Variants in CNBD1 observed in about 807,000 individuals in gnomAD.
CNBD1 encodes the protein cyclic nucleotide-binding domain-containing protein 1.
Under a neutral mutation model 54.4 loss-of-function variants are expected in CNBD1, and 71 were observed. The ratio of observed to expected loss-of-function variants is 1.30; its 90% CI spans 1.08 to 1.59. The LOEUF (loss-of-function observed/expected upper bound fraction) is 1.59, where lower values mean the gene tolerates loss of function less well. Ranked by LOEUF, CNBD1 falls within the 40% of genes most tolerant of loss-of-function variation. The pLI is 0.00. For missense variants in CNBD1, 659 were observed against 518.0 expected, an observed-to-expected ratio of 1.27 and a Z score of -2.64; for synonymous variants, 182 against 170.7, an observed-to-expected ratio of 1.07 and a Z score of -0.51.
intron 2 of CNBD1, among the ~76,000 whole-genome samples, chr8:86,895,957 T>A (rs1480877401): frequency 6.6e-6 from 1 of 152,162 alleles, no homozygotes; most frequent in Non-Finnish European, 1.5e-5. Flanking sequence ...ATTGTGTTGT[T>A]TGGTTTTCTA....
intron 2 of CNBD1, among the ~76,000 whole-genome samples, chr8:87,403,594 A>G (rs893824514): frequency 6.6e-6 from 1 of 152,038 alleles, no homozygotes; most frequent in Non-Finnish European, 1.5e-5. Context: ...ATTTTCTCAT[A>G]TATAAAATGT....
chr8:87,035,640 T>C (rs1809917394), intron 4 of CNBD1, among the ~76,000 whole-genome samples: 1 of 152,226 alleles, frequency 6.6e-6, no homozygotes, highest in Non-Finnish European at 1.5e-5. Context: ...CTAAATAAAA[T>C]ACTTGAATGT....
At chr8:87,411,246 T>C (rs1044821721) in intron 2 of CNBD1, among the ~76,000 whole-genome samples, 12 of 151,666 alleles carry the variant, frequency 7.9e-5, no homozygotes, top group African/African-American at 2.9e-4. Context: ...ATTTCTGGCA[T>C]ATAGTTGAAG....
chr8:86,971,433 A>G (rs769020529), intron 4 of CNBD1, among the ~76,000 whole-genome samples: 11 of 152,174 alleles, frequency 7.2e-5, no homozygotes, highest in Non-Finnish European at 1.5e-4. Context: ...TGAAAAGCCA[A>G]ATCATATCAT....
intron 4 of CNBD1, among the ~76,000 whole-genome samples, chr8:87,044,225 T>G (rs1214902932): frequency 6.6e-6 from 1 of 152,134 alleles, no homozygotes; most frequent in Non-Finnish European, 1.5e-5. Context: ...TTTTTTTTGT[T>G]TTTTTGCAAA....
intron 6 of CNBD1, among the ~76,000 whole-genome samples, chr8:87,264,557 G>A (rs1406692929): frequency 6.6e-6 from 1 of 152,036 alleles, no homozygotes; most frequent in East Asian, 1.9e-4. Context: ...AGTTCTAGAT[G>A]CCTGAGGAAT....
intron 1 of CNBD1, among the ~76,000 whole-genome samples, chr8:86,870,754 T>C (rs1808432272): frequency 6.6e-6 from 1 of 151,990 alleles, no homozygotes; most frequent in African/African-American, 2.4e-5. Context: ...GGCTTGTCAG[T>C]GACGAAGAAA....
At chr8:86,937,486 G>A (rs4131423) in intron 3 of CNBD1, among the ~76,000 whole-genome samples, 72,572 of 151,992 alleles carry the variant, frequency 0.48, 18,328 homozygotes, top group South Asian at 0.6. Context: ...GAAGTCCAGA[G>A]TCCAAAGTCT....
intron 4 of CNBD1, among the ~76,000 whole-genome samples, chr8:87,127,024 C>A (rs1417392260): frequency 6.6e-6 from 1 of 151,666 alleles, no homozygotes; most frequent in African/African-American, 2.4e-5. Context: ...GCAAACTCAT[C>A]TATTCCCCTG....
In CNBD1 at chr8:87,351,784, C is replaced by G. The variant is rs751304692; in HGVS notation, c.1142C>G (p.Ser381Ter). The G allele has an allele frequency of 1.8e-5, 27 of 1,497,560 alleles. No individual in the cohort carries two copies. The highest frequency in any genetic ancestry group is 4.3e-5 in the African/African-American group (3 of 69,356). 92.8% of individuals were successfully genotyped at this position (1,497,560 alleles called of 1,614,324 possible). A position where few individuals can be genotyped will look rare whatever the true frequency, so the allele number is the denominator to read the frequency against. The change falls in exon 9 of 11, where the codon TCA (serine) becomes TGA (stop). Residue 381 changes from serine to a stop codon, truncating the protein, a stop_gained. Coordinates refer to ENST00000518476, the MANE Select transcript of CNBD1 (RefSeq NM_173538.3). LOFTEE classifies it high-confidence loss of function. ...RSIIGFVKLR[S>*]NKVKRSQKLV... ...ATTATAGGATTTGTGAAACTACGAT[C>G]AAATAAAGTGGTAAGTTTTCAACAT...
chr8:87,210,674 T>G (rs1370000241), intron 5 of CNBD1, among the ~76,000 whole-genome samples: 3 of 152,142 alleles, frequency 2.0e-5, no homozygotes, highest in Admixed American at 6.5e-5. Context: ...CATGTAGTGT[T>G]AAGCCTGTGG....
chr8:86,882,355 G>C (rs1007457242), intron 1 of CNBD1, among the ~76,000 whole-genome samples: 2 of 151,936 alleles, frequency 1.3e-5, no homozygotes, highest in Non-Finnish European at 2.9e-5. Flanking sequence ...TTAAAAAGTG[G>C]GCAAAGGACA....
intron 2 of CNBD1, among the ~76,000 whole-genome samples, chr8:87,388,525 C>A (rs1437204739): frequency 6.6e-6 from 1 of 152,174 alleles, no homozygotes; most frequent in Non-Finnish European, 1.5e-5. Context: ...TTCCTCGACA[C>A]ATACACACTC....
At chr8:87,241,921 A>G (rs556368593) in intron 6 of CNBD1, among the ~76,000 whole-genome samples, 1 of 152,294 alleles carries the variant, frequency 6.6e-6, no homozygotes, top group Non-Finnish European at 1.5e-5. Context: ...GAGAATGTAA[A>G]TAAAAAATAA....
intron 4 of CNBD1, among the ~76,000 whole-genome samples, chr8:87,113,093 A>C (rs1355911622): frequency 1.3e-5 from 2 of 152,216 alleles, no homozygotes; most frequent in African/African-American, 4.8e-5. Flanking sequence ...GGCATCGGTC[A>C]GTCATCAGCC....
Position 86,866,543 on chromosome 8 carries a change from T to C in CNBD1, c.48T>C (p.Ala16=). The C allele has an allele frequency of 6.2e-7, 1 of 1,612,286 alleles. No individual in the cohort carries two copies. The highest frequency in any genetic ancestry group is 1.1e-5 in the South Asian group (1 of 90,396). ...LPAAILSHMT[A]INNVPPPPLH... ...CAGCTATTTTGTCTCACATGACAGC[T>C]ATTAACAATGTGCCTCCTCCTCCAC... Residue 16 remains alanine, a synonymous_variant, in exon 1 of 11, where the codon GCT becomes GCC. Transcript: ENST00000518476.
chr8:87,062,719 A>G (rs537738031), intron 4 of CNBD1, among the ~76,000 whole-genome samples: 14 of 152,008 alleles, frequency 9.2e-5, no homozygotes, highest in Admixed American at 8.5e-4. Context: ...CTGAGCCACA[A>G]GAGCGAAACT....
intron 5 of CNBD1, among the ~76,000 whole-genome samples, chr8:87,208,567 G>A (rs1304502321): frequency 2.0e-5 from 3 of 151,868 alleles, no homozygotes; most frequent in Non-Finnish European, 4.4e-5. Flanking sequence ...CTGAACAAGG[G>A]ACATTTTTAT....
intron 4 of CNBD1, among the ~76,000 whole-genome samples, chr8:87,074,927 T>A (rs2130656947): frequency 6.6e-6 from 1 of 152,330 alleles, no homozygotes; most frequent in African/African-American, 2.4e-5. Flanking sequence ...TGAATTTCAG[T>A]ATAATTTAGT....
Sources: gnomAD v4.1 joint callset for allele counts (sites outside exome capture counted in the v4.1 genomes callset) on GRCh38, gnomAD v4.1.1 for gene constraint, MANE v1.5 for transcripts, NCBI Gene and HGNC (gene_info 2026-07-23, HGNC 2026-07-21) for gene names.